Variants in CD8B observed in about 807,000 individuals in gnomAD.
The protein encoded by CD8B is T-cell surface glycoprotein CD8 beta chain.
In CD8B, 6 loss-of-function variants were observed where a neutral mutation model predicts 24.2. That is an observed-to-expected ratio of 0.25 (90% CI 0.14 to 0.49). The LOEUF is 0.49. Among genes scored for constraint, CD8B ranks in the 20% least tolerant of loss-of-function variants. The pLI is 0.98. For synonymous variants in CD8B, 84 were observed against 108.3 expected, an observed-to-expected ratio of 0.78 and a Z score of 1.39; for missense variants, 196 against 271.3, an observed-to-expected ratio of 0.72 and a Z score of 1.95.
At chr2:86,823,120 C>T (rs1674540769) in intron 5 of CD8B, among the ~76,000 whole-genome samples, 1 of 152,104 alleles carries the variant, frequency 6.6e-6, no homozygotes, top group Non-Finnish European at 1.5e-5. Flanking sequence ...CCACTAAGCA[C>T]CAACTCCCCA....
rs867870853 is a variant in CD8B at position 86,859,139 on chromosome 2, C to T, written c.44-723G>A. On this transcript the variant is annotated intron_variant, in intron 1 of 5. Coordinates refer to ENST00000390655, the MANE Select transcript of CD8B (RefSeq NM_004931.5). ...GACCCAGGACAGGCTGGGAGAGGAG[C>T]CCAGAATCACAGCAGAGCATGTGGC... 8.6e-3 allele frequency among the ~76,000 whole-genome samples: 1,308 copies of T among 152,062 alleles called. 15 individuals carry two copies. Among genetic ancestry groups the T allele is most frequent in the South Asian group, 0.036 (171 of 4,802 alleles).
At chr2:86,821,272 G>A (rs1674452951) in intron 5 of CD8B, among the ~76,000 whole-genome samples, 1 of 151,938 alleles carries the variant, frequency 6.6e-6, no homozygotes, top group African/African-American at 2.4e-5. Context: ...GAGTGAGGCC[G>A]CCTGGGGTGA....
At chr2:86,836,775 C>T (rs371304703), downstream of CD8B, among the ~76,000 whole-genome samples, 24 of 152,118 alleles carry the variant, frequency 1.6e-4, no homozygotes, top group Admixed American at 7.2e-4. Flanking sequence ...CACGCACACC[C>T]CCAAGGAAGA....
At chr2:86,819,039 C>T (rs184519697) in intron 5 of CD8B, among the ~76,000 whole-genome samples, 91 of 152,282 alleles carry the variant, frequency 6.0e-4, no homozygotes, top group African/African-American at 2.0e-3. Flanking sequence ...TAAGCAAAAG[C>T]CTAATCCAGA....
chr2:86,857,959 C>T, intron 2 of CD8B, 98 bp downstream of exon 2: 1 of 1,278,870 alleles, frequency 7.8e-7, no homozygotes, highest in Admixed American at 1.8e-5. Flanking sequence ...TTAGTCACGG[C>T]TGCAGAGTGG....
At chr2:86,854,848 C>T (rs1391377086) in intron 2 of CD8B, among the ~76,000 whole-genome samples, 7 of 151,948 alleles carry the variant, frequency 4.6e-5, no homozygotes, top group Non-Finnish European at 8.8e-5. Context: ...AGGCTGGGCG[C>T]GGTGACTCAC....
intron 5 of CD8B, among the ~76,000 whole-genome samples, chr2:86,822,874 C>T (rs1674532248): frequency 1.3e-5 from 2 of 152,170 alleles, no homozygotes; most frequent in Non-Finnish European, 1.5e-5. Context: ...GTGCCACTTA[C>T]TCATATGTTG....
chr2:86,821,736 C>T (rs999519343), intron 5 of CD8B: 1 of 441,530 alleles, frequency 2.3e-6, no homozygotes, highest in Admixed American at 2.4e-5. Context: ...CTCCGAAAAT[C>T]GCAGTTTCAC....
At chr2:86,833,756 C>T (rs1367777895), downstream of CD8B, among the ~76,000 whole-genome samples, 1 of 151,184 alleles carries the variant, frequency 6.6e-6, no homozygotes. Flanking sequence ...ACTAAAGTGA[C>T]CCTCTTGCCT....
At chr2:86,853,863 A>G (rs561082928) in intron 2 of CD8B, among the ~76,000 whole-genome samples, 3 of 151,756 alleles carry the variant, frequency 2.0e-5, no homozygotes, top group Admixed American at 1.3e-4. Flanking sequence ...GTACCACTGC[A>G]TTCGTCGTGC....
chr2:86,847,920 T>C (rs4971891), intron 3 of CD8B, among the ~76,000 whole-genome samples: 26,089 of 152,146 alleles, frequency 0.17, 2,458 homozygotes, highest in Admixed American at 0.22. Flanking sequence ...GTACAAATTG[T>C]TCTTTTGTAC....
chr2:86,815,681 G>T, exon 6 of CD8B: 1 of 1,612,696 alleles, frequency 6.2e-7, no homozygotes, highest in Non-Finnish European at 8.5e-7. Context: ...TGCAGGCATT[G>T]GGGGACAAAG....
At chr2:86,837,273 C>T (rs1165318404), downstream of CD8B, among the ~76,000 whole-genome samples, 4 of 152,212 alleles carry the variant, frequency 2.6e-5, no homozygotes, top group African/African-American at 9.7e-5. Flanking sequence ...ATGGGAAAAG[C>T]AGGATCCAGG....
chr2:86,823,429 A>G (rs1674556125), intron 5 of CD8B, among the ~76,000 whole-genome samples: 1 of 152,014 alleles, frequency 6.6e-6, no homozygotes, highest in Non-Finnish European at 1.5e-5. Flanking sequence ...ACAGGCACCC[A>G]CCACGGTGCC....
At position 86,839,078 on chromosome 2, in the gene CD8B, C is replaced by T. The variant is rs1271121502; in HGVS notation, c.*3229G>A. On this transcript the variant is annotated 3_prime_UTR_variant, in exon 6 of 6. Coordinates refer to ENST00000390655, the MANE Select transcript of CD8B (RefSeq NM_004931.5). ...GTAACTGTATCCTAACTTCTAACAA[C>T]ATATATTTGTTTTGCTTGTTTTCTT... Among the ~76,000 whole-genome samples, 2 of 152,188 alleles carry T rather than the reference C, an allele frequency of 1.3e-5. No individual in the cohort carries two copies. The highest frequency in any genetic ancestry group is 4.8e-5 in the African/African-American group (2 of 41,446).
In CD8B at chr2:86,817,183, C is replaced by T. The variant is rs1177485454; in HGVS notation, c.621-1465G>A. On this transcript the variant is annotated intron_variant, in intron 5 of 5. Transcript: ENST00000331469. ...CATGAGGGAGGATATGACCAAATAA[C>T]TGTGATGCAGTGTTGATGGGGATGT... Among the ~76,000 whole-genome samples the T allele has an allele frequency of 2.6e-5, 4 of 152,088 alleles. 1 individual carries two copies. The highest frequency in any genetic ancestry group is 5.9e-5 in the Non-Finnish European group (4 of 68,024).
At chr2:86,849,707 T>TG (rs1321775577) in intron 3 of CD8B, among the ~76,000 whole-genome samples, 12 of 149,524 alleles carry the variant, frequency 8.0e-5, no homozygotes, top group Non-Finnish European at 1.5e-4. Flanking sequence ...TAAGGTGTTT[T>TG]TTTTTTTTTT....
chr2:86,816,936 C>T (rs1038606618), intron 5 of CD8B, among the ~76,000 whole-genome samples: 5 of 152,134 alleles, frequency 3.3e-5, no homozygotes, highest in African/African-American at 1.2e-4. Context: ...AAGATATTTG[C>T]AGTGCATAAA....
At chr2:86,831,787 A>G (rs1460729594) in intron 5 of CD8B, among the ~76,000 whole-genome samples, 1 of 152,236 alleles carries the variant, frequency 6.6e-6, no homozygotes, top group East Asian at 1.9e-4. Context: ...AGAGACTCCC[A>G]GACTGAGGAG....
Sources: gnomAD v4.1 joint callset for allele counts (sites outside exome capture counted in the v4.1 genomes callset) on GRCh38, gnomAD v4.1.1 for gene constraint, MANE v1.5 for transcripts, NCBI Gene and HGNC (gene_info 2026-07-23, HGNC 2026-07-21) for gene names.